Variants in FGF14 observed in about 807,000 individuals in gnomAD.
FGF14 encodes fibroblast growth factor homologous factor 4.
In FGF14, 5 loss-of-function variants were observed where a neutral mutation model predicts 25.5. The ratio of observed to expected loss-of-function variants is 0.20; its 90% confidence interval spans 0.10 to 0.41. The LOEUF is 0.41. Among genes scored for constraint, FGF14 ranks in the 10% least tolerant of loss-of-function variants. FGF14 has a pLI of 1.00. For synonymous variants in FGF14, 138 were observed against 118.3 expected (o/e 1.17, Z -1.08); for missense variants, 222 against 320.1 (o/e 0.69, Z 2.34).
Position 101,719,228 on chromosome 13 carries a change from T to C in FGF14, c.*3603A>G, listed in dbSNP as rs1169237511. On this transcript the variant is annotated 3_prime_UTR_variant, in exon 5 of 5. Transcript: ENST00000376143. ...TTTTGCTTTTAAAGACAACCAAATC[T>C]GATATTGTTCATCCTGATAAAAATA... 2 of 152,148 alleles carry C rather than the reference T, an allele frequency of 1.3e-5. No individual in the cohort carries two copies. Among genetic ancestry groups the C allele is most frequent in the African/African-American group, 4.8e-5 (2 of 41,446 alleles). 9.4% of individuals were successfully genotyped at this position (152,148 alleles called of 1,614,324 possible).
At chr13:101,850,593 A>C (rs1479969800) in intron 3 of FGF14, among the ~76,000 whole-genome samples, 42 of 130,490 alleles carry the variant, frequency 3.2e-4, no homozygotes, top group African/African-American at 1.1e-3. Context: ...ATTATATATT[A>C]TATAATTCTA....
chr13:101,890,224 G>A (rs2046199125), intron 1 of FGF14, among the ~76,000 whole-genome samples: 1 of 152,062 alleles, frequency 6.6e-6, no homozygotes, highest in African/African-American at 2.4e-5. Context: ...GCATATTTCA[G>A]AGCCTTGCTG....
intron 1 of FGF14, among the ~76,000 whole-genome samples, chr13:101,996,608 C>T (rs987550513): frequency 3.9e-5 from 6 of 152,122 alleles, no homozygotes; most frequent in African/African-American, 9.7e-5. Context: ...TGAAATGGAA[C>T]TCAGAGAGAG....
At chr13:102,088,197 G>A (rs2044012477) in intron 1 of FGF14, among the ~76,000 whole-genome samples, 1 of 152,180 alleles carries the variant, frequency 6.6e-6, no homozygotes, top group Admixed American at 6.5e-5. Flanking sequence ...TGAGACATAG[G>A]TACTCAACTG....
At chr13:101,725,197 ATTT>A (rs1041807821) in intron 4 of FGF14, among the ~76,000 whole-genome samples, 2 of 152,014 alleles carry the variant, frequency 1.3e-5, no homozygotes, top group South Asian at 2.1e-4. Context: ...TTATTTTTTA[ATTT>A]TTTATTTGCA....
intron 3 of FGF14, among the ~76,000 whole-genome samples, chr13:101,771,534 A>T (rs2038769605): frequency 6.6e-6 from 1 of 152,112 alleles, no homozygotes; most frequent in African/African-American, 2.4e-5. Flanking sequence ...TGGCATTGAC[A>T]GCTTCAATAA....
intron 1 of FGF14, among the ~76,000 whole-genome samples, chr13:102,122,274 T>C (rs1217346535): frequency 2.6e-5 from 4 of 152,240 alleles, no homozygotes; most frequent in Non-Finnish European, 5.9e-5. Context: ...ACAGGACTTC[T>C]GATCCTAGCT....
At chr13:102,110,966 C>T (rs1380340901) in intron 1 of FGF14, among the ~76,000 whole-genome samples, 1 of 152,168 alleles carries the variant, frequency 6.6e-6, no homozygotes, top group African/African-American at 2.4e-5. Flanking sequence ...GAATCTTTAT[C>T]CTGACAGAGG....
chr13:101,982,595 T>C (rs1442964374), intron 1 of FGF14, among the ~76,000 whole-genome samples: 3 of 152,212 alleles, frequency 2.0e-5, no homozygotes, highest in Non-Finnish European at 2.9e-5. Context: ...TCATCTGTTA[T>C]CTAAGAGTGC....
At chr13:101,817,724 G>A (rs939643618) in intron 3 of FGF14, among the ~76,000 whole-genome samples, 8 of 152,100 alleles carry the variant, frequency 5.3e-5, no homozygotes, top group African/African-American at 7.2e-5. Context: ...TTTCTTCTCC[G>A]GACCTCAACA....
chr13:101,752,869 T>C (rs1036605187), intron 3 of FGF14, among the ~76,000 whole-genome samples: 6 of 152,154 alleles, frequency 3.9e-5, no homozygotes, highest in Non-Finnish European at 4.4e-5. Flanking sequence ...AAAAAGAAAA[T>C]AGTTTCTCAG....
At chr13:102,148,674 C>A (rs533879465) in intron 1 of FGF14, among the ~76,000 whole-genome samples, 2 of 151,992 alleles carry the variant, frequency 1.3e-5, no homozygotes, top group Non-Finnish European at 2.9e-5. Flanking sequence ...CCATGCATGG[C>A]GGCATGCAAC....
intron 1 of FGF14, among the ~76,000 whole-genome samples, chr13:102,097,339 G>A (rs2044448522): frequency 6.6e-6 from 1 of 152,138 alleles, no homozygotes. Context: ...AAAGCATTTG[G>A]TCAGAGACAG....
intron 1 of FGF14, among the ~76,000 whole-genome samples, chr13:102,376,353 G>A (rs2058040225): frequency 6.6e-6 from 1 of 152,170 alleles, no homozygotes. Context: ...GTGGAACTGT[G>A]AGTCAATTAA....
At chr13:102,325,852 C>G (rs1386925855) in intron 1 of FGF14, among the ~76,000 whole-genome samples, 1 of 152,154 alleles carries the variant, frequency 6.6e-6, no homozygotes, top group Non-Finnish European at 1.5e-5. Context: ...TTCATCTGTT[C>G]ACTGGTGTAC....
chr13:101,875,573 T>C (rs1376558648), intron 1 of FGF14, among the ~76,000 whole-genome samples: 15 of 152,108 alleles, frequency 9.9e-5, no homozygotes, highest in Admixed American at 7.9e-4. Context: ...AATTAAGCTG[T>C]CAGTTTAATT....
chr13:102,346,815 T>A (rs1566951853), intron 1 of FGF14, among the ~76,000 whole-genome samples: 1 of 152,310 alleles, frequency 6.6e-6, no homozygotes, highest in South Asian at 2.1e-4. Flanking sequence ...TTAAAATGCA[T>A]CATGTGACTA....
chr13:102,291,936 T>G (rs551246018), intron 1 of FGF14, among the ~76,000 whole-genome samples: 7 of 152,104 alleles, frequency 4.6e-5, no homozygotes, highest in African/African-American at 1.4e-4. Context: ...AGTATAAAAC[T>G]TGGAAGCATT....
Position 102,328,891 on chromosome 13 carries a change from T to C in FGF14, c.208+72580A>G, listed in dbSNP as rs371288683. Among the ~76,000 whole-genome samples, 154 of 152,274 alleles carry C rather than the reference T, an allele frequency of 1.0e-3. 2 individuals carry two copies. In the South Asian group the frequency reaches 0.029, roughly 29 times the overall value. On this transcript the variant is annotated intron_variant, in intron 1 of 4. Transcript: ENST00000376131. The stretch of plus-strand genomic sequence containing the variant: ...AATAGGAAAATCCTGAAGCCCTACA[T>C]GCTCTTGGCAAACCCTCCATTCTCC...
Sources: allele counts gnomAD v4.1 joint callset (sites outside exome capture counted in the v4.1 genomes callset), GRCh38; gene constraint gnomAD v4.1.1; transcripts MANE v1.5; gene names NCBI Gene and HGNC (gene_info 2026-07-23, HGNC 2026-07-21).